Variants in ZNF207 observed in about 807,000 individuals in gnomAD.
ZNF207 encodes the protein BUB3-interacting and GLEBS motif-containing protein ZNF207.
A neutral mutation model predicts 60.2 loss-of-function variants in ZNF207; 24 were observed. That is an observed-to-expected ratio of 0.40 (90% CI 0.29 to 0.56). The LOEUF (loss-of-function observed/expected upper bound fraction) is 0.56. ZNF207 is among the 20% of genes least tolerant of loss of function. The pLI is 0.49. For missense variants in ZNF207, 452 were observed against 636.6 expected (o/e 0.71, Z 3.12); for synonymous variants, 236 against 194.7 (o/e 1.21, Z -1.77).
In ZNF207 at chr17:32,369,867, CATT is replaced by C. The variant is rs780979705; in HGVS notation, c.*111_*113del. On this transcript the variant is annotated 3_prime_UTR_variant, in exon 12 of 12. Coordinates refer to ENST00000394670, the MANE Select transcript of ZNF207 (RefSeq NM_001098507.2). The stretch of plus-strand genomic sequence containing the variant: ...AAGGCTTCATTGTGACTTTAACAAA[CATT>C]ATCTTCCCACATACCAGGAACTATT... 2.1e-5 allele frequency: 25 copies of C among 1,171,654 alleles called. No individual in the cohort carries two copies. Among genetic ancestry groups the C allele is most frequent in the Non-Finnish European group, 2.8e-5 (25 of 899,134 alleles). 72.6% of individuals were successfully genotyped at this position (1,171,654 alleles called of 1,614,324 possible). A position where few individuals can be genotyped will look rare whatever the true frequency, so the allele number is the denominator to read the frequency against.
chr17:32,357,281 A>C lies in ZNF207; in HGVS notation c.169-1222A>C, dbSNP rs889115800. ...TAGTTTGTAACCAGAGGCTTGTCTCAAGATCTATACTTAGAAAATTTGCTA... is the reference window on the plus strand; with the variant it reads ...TAGTTTGTAACCAGAGGCTTGTCTCCAGATCTATACTTAGAAAATTTGCTA... On this transcript the variant is annotated intron_variant, in intron 2 of 11. Transcript: ENST00000394670. 8.0e-5 allele frequency among the ~76,000 whole-genome samples: 12 copies of C among 149,876 alleles called. 1 individual carries two copies. Among genetic ancestry groups the C allele is most frequent in the Non-Finnish European group, 1.3e-4 (9 of 67,654 alleles).
Position 32,381,403 on chromosome 17 carries a change from A to G in ZNF207, c.*11644A>G, listed in dbSNP as rs1905883963. ...ATGAGCTCACTAAGGGTAATTAAAT[A>G]CTAGCTTTTAAAATTTAAAGTTCTC... On this transcript the variant is annotated 3_prime_UTR_variant, in exon 12 of 12. Transcript: ENST00000394670. The G allele has an allele frequency of 6.6e-6, 1 of 152,256 alleles. No homozygotes were observed. Among genetic ancestry groups the G allele is most frequent in the African/African-American group, 2.4e-5 (1 of 41,472 alleles). 9.4% of individuals were successfully genotyped at this position (152,256 alleles called of 1,614,324 possible). A position where few individuals can be genotyped will look rare whatever the true frequency, so the allele number is the denominator to read the frequency against.
At chr17:32,365,577 T>C (rs1905121907) in intron 8 of ZNF207, 90 bp downstream of exon 8, 3 of 1,241,174 alleles carry the variant, frequency 2.4e-6, no homozygotes, top group African/African-American at 3.2e-5. Flanking sequence ...CATAGGTCAA[T>C]TTTTTTGTTT....
At chr17:32,362,350 G>GA (rs1282451960) in intron 6 of ZNF207, among the ~76,000 whole-genome samples, 1 of 152,046 alleles carries the variant, frequency 6.6e-6, no homozygotes, top group Non-Finnish European at 1.5e-5. Flanking sequence ...TTTTTAAAAA[G>GA]TTATGGTCTC....
chr17:32,356,657 G>T (rs1597763775), intron 2 of ZNF207, among the ~76,000 whole-genome samples: 1 of 152,282 alleles, frequency 6.6e-6, no homozygotes, highest in African/African-American at 2.4e-5. Flanking sequence ...TAGCCTAAAT[G>T]AGTGCTTCTC....
At chr17:32,367,284 T>TATAA (rs1346929445) in intron 9 of ZNF207, among the ~76,000 whole-genome samples, 18 of 131,068 alleles carry the variant, frequency 1.4e-4, no homozygotes, top group African/African-American at 4.5e-4. Flanking sequence ...TATATATATA[T>TATAA]AAAGAATACT....
intron 3 of ZNF207, 85 bp downstream of exon 3, chr17:32,358,726 G>A (rs905308192): frequency 1.6e-5 from 17 of 1,061,150 alleles, no homozygotes; most frequent in African/African-American, 6.7e-5. Flanking sequence ...CTGTCCAGCC[G>A]AGGCTGGAGT....
intron 6 of ZNF207, among the ~76,000 whole-genome samples, chr17:32,362,217 G>T (rs1234557467): frequency 6.6e-6 from 1 of 151,902 alleles, no homozygotes; most frequent in Admixed American, 6.6e-5. Context: ...GTGCAGTGGC[G>T]CAGTCACAGC....
At position 32,376,358 on chromosome 17, in the gene ZNF207, A is replaced by G. The variant is rs1283233510; in HGVS notation, c.*6599A>G. ...ATTAAAAAAATTCTTCAGTAAGATAATTGCTTTTAATAAGTATATTTTTCT... is the reference window on the plus strand; with the variant it reads ...ATTAAAAAAATTCTTCAGTAAGATAGTTGCTTTTAATAAGTATATTTTTCT... On this transcript the variant is annotated 3_prime_UTR_variant, in exon 12 of 12. Transcript: ENST00000394670. The G allele has an allele frequency of 2.0e-5, 3 of 152,062 alleles. No homozygotes were observed. Among genetic ancestry groups the G allele is most frequent in the Non-Finnish European group, 4.4e-5 (3 of 67,922 alleles). 9.4% of individuals were successfully genotyped at this position (152,062 alleles called of 1,614,324 possible). A position where few individuals can be genotyped will look rare whatever the true frequency, so the allele number is the denominator to read the frequency against.
chr17:32,368,495 T>A, intron 10 of ZNF207: 1 of 160,014 alleles, frequency 6.2e-6, no homozygotes, highest in Non-Finnish European at 1.3e-5. Context: ...TGATCAGGAG[T>A]TCAAGACCAG....
rs1197881150 is a variant in ZNF207 at position 32,371,018 on chromosome 17, T to C, written c.*1259T>C. 1 of 152,244 alleles carries C rather than the reference T, an allele frequency of 6.6e-6. No homozygotes were observed. Among genetic ancestry groups the C allele is most frequent in the Non-Finnish European group, 1.5e-5 (1 of 68,040 alleles). 9.4% of individuals were successfully genotyped at this position (152,244 alleles called of 1,614,324 possible). On this transcript the variant is annotated 3_prime_UTR_variant, in exon 12 of 12. Transcript: ENST00000394670. ...CAACTTTTTATTTATCCTTGGAAATTTTGAATGTTGTGTTCTTACAGAGAG... is the reference window on the plus strand; with the variant it reads ...CAACTTTTTATTTATCCTTGGAAATCTTGAATGTTGTGTTCTTACAGAGAG...
rs1053115906 is a variant in ZNF207 at position 32,372,565 on chromosome 17, G to A, written c.*2806G>A. 1 of 152,096 alleles carries A rather than the reference G, an allele frequency of 6.6e-6. No individual in the cohort carries two copies. Among genetic ancestry groups the A allele is most frequent in the African/African-American group, 2.4e-5 (1 of 41,444 alleles). The allele number at this position is 152,096 out of a possible 1,614,324, so 9.4% of individuals were successfully genotyped here. On this transcript the variant is annotated 3_prime_UTR_variant, in exon 12 of 12. Coordinates refer to ENST00000394670, the MANE Select transcript of ZNF207 (RefSeq NM_001098507.2). The stretch of plus-strand genomic sequence containing the variant: ...AATTCTAATTAAAAATTAATTGAAA[G>A]TGTTAGGCATTGGCAGATAAAACTT...
chr17:32,357,345 A>ATTTTTTTTT lies in ZNF207; in HGVS notation c.169-1156_169-1155insTTTTTTTTT, dbSNP rs1232093255. 1.3e-3 allele frequency among the ~76,000 whole-genome samples: 83 copies of ATTTTTTTTT among 64,966 alleles called. 1 individual carries two copies. The highest frequency in any genetic ancestry group is 6.8e-3 in the African/African-American group (76 of 11,230). 42.6% of individuals were successfully genotyped at this position (64,966 alleles called of 152,430 possible). A position where few individuals can be genotyped will look rare whatever the true frequency, so the allele number is the denominator to read the frequency against. On this transcript the variant is annotated intron_variant, in intron 2 of 11. Coordinates refer to ENST00000394670, the MANE Select transcript of ZNF207 (RefSeq NM_001098507.2). ...TATTATTATTATTATTATTATTATT[A>ATTTTTTTTT]TTATTATTTTTTTTTTTTTTTGAGA...
rs1905809696 is a variant in ZNF207 at position 32,379,731 on chromosome 17, T to C, written c.*9972T>C. ...TTGAGAGGCTTAAAAATTTCAAAAG[T>C]ATTATTTAAGCCACTCTAACCCTGC... On this transcript the variant is annotated 3_prime_UTR_variant, in exon 12 of 12. Coordinates refer to ENST00000394670, the MANE Select transcript of ZNF207 (RefSeq NM_001098507.2). 2 of 152,172 alleles carry C rather than the reference T, an allele frequency of 1.3e-5. No homozygotes were observed. Among genetic ancestry groups the C allele is most frequent in the Non-Finnish European group, 2.9e-5 (2 of 67,998 alleles). The allele number at this position is 152,172 out of a possible 1,614,324, so 9.4% of individuals were successfully genotyped here. A position where few individuals can be genotyped will look rare whatever the true frequency, so the allele number is the denominator to read the frequency against.
rs1905569650 is a variant in ZNF207 at position 32,373,910 on chromosome 17, TTTTG to T, written c.*4152_*4155del. 1 of 152,352 alleles carries T rather than the reference TTTTG, an allele frequency of 6.6e-6. No individual in the cohort carries two copies. Among genetic ancestry groups the T allele is most frequent in the Admixed American group, 6.5e-5 (1 of 15,290 alleles). The allele number at this position is 152,352 out of a possible 1,614,324, so 9.4% of individuals were successfully genotyped here. On this transcript the variant is annotated 3_prime_UTR_variant, in exon 12 of 12. Transcript: ENST00000394670. The stretch of plus-strand genomic sequence containing the variant: ...TGGATACTGAAATGTGCCTTCTCTT[TTTTG>T]AGACGGAGTTTCACTCTTATCACCC...
intron 2 of ZNF207, among the ~76,000 whole-genome samples, chr17:32,357,792 C>T (rs143215847): frequency 9.9e-5 from 15 of 152,092 alleles, no homozygotes; most frequent in African/African-American, 2.2e-4. Context: ...TGCACCACCA[C>T]GCCCTGCTAA....
At chr17:32,369,493 T>G in intron 11 of ZNF207, 39 bp downstream of exon 11, 1 of 1,607,904 alleles carries the variant, frequency 6.2e-7, no homozygotes, top group Non-Finnish European at 8.5e-7. Context: ...TAGTGGATTT[T>G]CTAAGTTCAC....
At position 32,379,990 on chromosome 17, in the gene ZNF207, T is replaced by G. The variant is rs1905820768; in HGVS notation, c.*10231T>G. 1 of 152,204 alleles carries G rather than the reference T, an allele frequency of 6.6e-6. No homozygotes were observed. The highest frequency in any genetic ancestry group is 1.5e-5 in the Non-Finnish European group (1 of 68,014). 9.4% of individuals were successfully genotyped at this position (152,204 alleles called of 1,614,324 possible). On this transcript the variant is annotated 3_prime_UTR_variant, in exon 12 of 12. Transcript: ENST00000394670. ...ATCTTTCTGAACCAATAATAAACAG[T>G]CAACTGTGATGCTTTTTAGTATGAA...
chr17:32,358,550 A>G lies in ZNF207; in HGVS notation c.216A>G (p.Arg72=), dbSNP rs1174807531. Residue 72 remains arginine, a synonymous_variant, in exon 3 of 12, where the codon AGA becomes AGG. Transcript: ENST00000394670. ...IDAVPNAIPG[R]TDIELEIYGM... is the part of the protein sequence containing the mutation. ...CCGTACCAAATGCAATACCTGGAAG[A>G]ACAGACATAGAGTTGGAAATATATG... 6.4e-7 allele frequency: 1 copy of G among 1,569,250 alleles called. No homozygotes were observed. Among genetic ancestry groups the G allele is most frequent in the Non-Finnish European group, 8.6e-7 (1 of 1,164,530 alleles).
Sources: allele counts gnomAD v4.1 joint callset (sites outside exome capture counted in the v4.1 genomes callset), GRCh38; gene constraint gnomAD v4.1.1; transcripts MANE v1.5; gene names NCBI Gene and HGNC (gene_info 2026-07-23, HGNC 2026-07-21).